The following PTPRG variants were observed in gnomAD, a reference collection of about 807,000 sequenced individuals.
PTPRG encodes protein tyrosine phosphatase receptor type G.
In PTPRG, 102 loss-of-function variants were observed where a neutral mutation model predicts 165.3. The observed-to-expected ratio is 0.62, with a 90% CI of 0.53 to 0.73. The LOEUF (loss-of-function observed/expected upper bound fraction) is 0.73, where lower values mean the gene tolerates loss of function less well. Among genes scored for constraint, PTPRG ranks in the 30% least tolerant of loss-of-function variants. The pLI is 0.00. For synonymous variants in PTPRG, 675 were observed against 669.5 expected, an observed-to-expected ratio of 1.01 and a Z score of -0.13; for missense variants, 1,866 against 1,861.4, an observed-to-expected ratio of 1.00 and a Z score of -0.05.
chr3:61,731,108 T>C (rs1575615849), intron 1 of PTPRG, among the ~76,000 whole-genome samples: 1 of 152,178 alleles, frequency 6.6e-6, no homozygotes, highest in East Asian at 1.9e-4. Flanking sequence ...TTTCCATTGC[T>C]AAAGCAGTGA....
intron 2 of PTPRG, among the ~76,000 whole-genome samples, chr3:61,892,905 G>A (rs533218033): frequency 6.6e-6 from 1 of 152,138 alleles, no homozygotes; most frequent in African/African-American, 2.4e-5. Context: ...GGCTCACTTT[G>A]TTCAGTTTTT....
At chr3:61,975,993 C>G (rs1284505615) in intron 2 of PTPRG, among the ~76,000 whole-genome samples, 1 of 152,178 alleles carries the variant, frequency 6.6e-6, no homozygotes, top group Non-Finnish European at 1.5e-5. Context: ...AGGTGAAGTT[C>G]TATGTCCTAC....
At chr3:61,731,676 G>C (rs1373288658) in intron 1 of PTPRG, among the ~76,000 whole-genome samples, 1 of 151,904 alleles carries the variant, frequency 6.6e-6, no homozygotes, top group African/African-American at 2.4e-5. Flanking sequence ...GCTATGCAGG[G>C]CTTTAAAGCC....
chr3:62,124,607 A>G (rs1703216048), intron 5 of PTPRG: 6 of 1,134,648 alleles, frequency 5.3e-6, no homozygotes, highest in South Asian at 1.4e-5. Context: ...GAAGGCTTTC[A>G]TGCTGACCGC....
chr3:62,113,717 A>T (rs1324530023), intron 5 of PTPRG, among the ~76,000 whole-genome samples: 2 of 152,224 alleles, frequency 1.3e-5, no homozygotes, highest in Non-Finnish European at 2.9e-5. Context: ...TTTTAAAAAC[A>T]CTTACAAATA....
At chr3:62,002,313 G>A (rs1251277537) in intron 3 of PTPRG, among the ~76,000 whole-genome samples, 3 of 152,110 alleles carry the variant, frequency 2.0e-5, no homozygotes, top group Non-Finnish European at 4.4e-5. Context: ...GAGACAATGA[G>A]GATAAGTACT....
At chr3:61,761,794 T>G (rs1055256159) in intron 2 of PTPRG, among the ~76,000 whole-genome samples, 5 of 152,178 alleles carry the variant, frequency 3.3e-5, no homozygotes, top group Non-Finnish European at 7.3e-5. Flanking sequence ...GAAAACAACC[T>G]TCTTCTTAAA....
intron 2 of PTPRG, among the ~76,000 whole-genome samples, chr3:61,948,946 A>G (rs539162517): frequency 6.6e-6 from 1 of 152,214 alleles, no homozygotes; most frequent in African/African-American, 2.4e-5. Flanking sequence ...TGTCAGGGAA[A>G]GAGAAAGGCA....
Position 62,238,802 on chromosome 3 carries a change from G to C in PTPRG, c.2376-5005G>C, listed in dbSNP as rs759974503. Among the ~76,000 whole-genome samples, 8 of 152,280 alleles carry C rather than the reference G, an allele frequency of 5.3e-5. No individual in the cohort carries two copies. In the South Asian group the frequency reaches 6.2e-4, roughly 12 times the overall value. ...AGAGAGAGAGACTGAGAGACAGACT[G>C]ACTGACTGTTCAGGGCCCTCCAAAA... On this transcript the variant is annotated intron_variant, in intron 14 of 29. Transcript: ENST00000474889.
At chr3:61,745,247 C>G (rs993576321) in intron 1 of PTPRG, among the ~76,000 whole-genome samples, 2 of 152,066 alleles carry the variant, frequency 1.3e-5, no homozygotes, top group Non-Finnish European at 2.9e-5. Flanking sequence ...CGAGGTTTCA[C>G]CATGTTGGCC....
intron 13 of PTPRG, among the ~76,000 whole-genome samples, chr3:62,226,416 A>G (rs1460980576): frequency 6.6e-6 from 1 of 152,250 alleles, no homozygotes; most frequent in Non-Finnish European, 1.5e-5. Context: ...GAAACCAATT[A>G]TATTTTCAGG....
rs994400590 is a variant in PTPRG at position 62,213,672 on chromosome 3, C to A, written c.2156-5179C>A. Among the ~76,000 whole-genome samples, 2 of 152,076 alleles carry A rather than the reference C, an allele frequency of 1.3e-5. No individual in the cohort carries two copies. Among genetic ancestry groups the A allele is most frequent in the African/African-American group, 4.8e-5 (2 of 41,416 alleles). On this transcript the variant is annotated intron_variant, in intron 12 of 29. Transcript: ENST00000474889. This position sits in a 1 kb window ranked among gnomAD's most constrained non-coding sequence, Gnocchi z 4.4. ...GTGCAGAATTGCCCATCTTGTGGCA[C>A]GCTGCAGCTGTTGTACCGAAAGGCC...
At chr3:61,609,718 G>A (rs1701114227) in intron 1 of PTPRG, among the ~76,000 whole-genome samples, 1 of 152,028 alleles carries the variant, frequency 6.6e-6, no homozygotes, top group African/African-American at 2.4e-5. Context: ...AATTAGCTGG[G>A]TGTGGTGGCG....
intron 1 of PTPRG, among the ~76,000 whole-genome samples, chr3:61,734,506 G>T (rs532146126): frequency 6.6e-6 from 1 of 152,264 alleles, no homozygotes; most frequent in East Asian, 1.9e-4. Flanking sequence ...TTATTTTTCA[G>T]AATTCACCCA....
intron 1 of PTPRG, among the ~76,000 whole-genome samples, chr3:61,565,609 G>T (rs1699892325): frequency 6.6e-6 from 1 of 151,378 alleles, no homozygotes; most frequent in African/African-American, 2.4e-5. Context: ...AAGCTCAGCA[G>T]ATTTTTTTTT....
chr3:62,079,742 GC>G (rs1226721585), intron 5 of PTPRG, among the ~76,000 whole-genome samples: 4 of 152,170 alleles, frequency 2.6e-5, no homozygotes, highest in Admixed American at 2.6e-4. Flanking sequence ...CAAGATACTT[GC>G]TTTTGAATTC....
intron 5 of PTPRG, among the ~76,000 whole-genome samples, chr3:62,108,721 T>G (rs1702561646): frequency 6.6e-6 from 1 of 152,206 alleles, no homozygotes; most frequent in African/African-American, 2.4e-5. Context: ...TTCCTGGCTT[T>G]GTAATGATCC....
intron 2 of PTPRG, among the ~76,000 whole-genome samples, chr3:61,831,723 A>C (rs2036300605): frequency 6.6e-6 from 1 of 152,210 alleles, no homozygotes; most frequent in Non-Finnish European, 1.5e-5. Flanking sequence ...AGGTATACCA[A>C]ATTTTGGGTG....
chr3:61,888,069 C>T (rs191245254), intron 2 of PTPRG, among the ~76,000 whole-genome samples: 59 of 152,220 alleles, frequency 3.9e-4, no homozygotes, highest in African/African-American at 1.3e-3. Flanking sequence ...ATCACGTCTT[C>T]CTCTATACTG....
Sources: gnomAD v4.1 joint callset for allele counts (sites outside exome capture counted in the v4.1 genomes callset) on GRCh38, gnomAD v4.1.1 for gene constraint, Gnocchi (gnomAD v3.1) non-coding constraint, MANE v1.5 for transcripts, NCBI Gene and HGNC (gene_info 2026-07-23, HGNC 2026-07-21) for gene names.